Variants in DPP6 observed in about 807,000 individuals in gnomAD.
DPP6 encodes the protein A-type potassium channel modulatory protein DPP6.
A neutral mutation model predicts 122.6 loss-of-function variants in DPP6; 69 were observed. That is an observed-to-expected ratio of 0.56 (90% CI 0.46 to 0.69). The LOEUF is 0.69. Among genes scored for constraint, DPP6 ranks in the 30% least tolerant of loss-of-function variants. DPP6 has a pLI of 0.00. For missense variants in DPP6, 928 were observed against 1,116.9 expected, an observed-to-expected ratio of 0.83 and a Z score of 2.41; for synonymous variants, 418 against 433.1, an observed-to-expected ratio of 0.97 and a Z score of 0.43.
At chr7:154,433,091 A>T (rs571884220) in intron 1 of DPP6, among the ~76,000 whole-genome samples, 2 of 150,720 alleles carry the variant, frequency 1.3e-5, no homozygotes, top group Admixed American at 6.6e-5. Flanking sequence ...CAGGTTACAG[A>T]TATAACAAGT....
At chr7:154,703,106 G>T (rs181410664) in intron 7 of DPP6, among the ~76,000 whole-genome samples, 36 of 152,314 alleles carry the variant, frequency 2.4e-4, no homozygotes, top group Middle Eastern at 3.4e-3. Flanking sequence ...TTATACCATT[G>T]TGTAATGAAT....
In DPP6 at chr7:153,961,252, G is replaced by A. The variant is rs574834768; in HGVS notation, c.51+73518G>A. ...CCTAGCCAGGTGGAACCTGTGGCAG[G>A]AATCCACAAGCTGTGAGTTCAAGCC... On this transcript the variant is annotated intron_variant, in intron 1 of 25. Coordinates refer to the DPP6 transcript ENST00000404039. Among the ~76,000 whole-genome samples the A allele has an allele frequency of 2.8e-3, 417 of 151,024 alleles. 2 individuals are homozygous for A. The highest frequency in any genetic ancestry group is 0.024 in the Middle Eastern group (7 of 294).
chr7:154,552,373 G>A (rs1347518351), intron 4 of DPP6, among the ~76,000 whole-genome samples: 1 of 152,108 alleles, frequency 6.6e-6, no homozygotes, highest in Non-Finnish European at 1.5e-5. Flanking sequence ...TTGGTAAGAG[G>A]GATACTCGTT....
At chr7:154,699,884 G>A (rs910619055) in intron 7 of DPP6, among the ~76,000 whole-genome samples, 3 of 152,284 alleles carry the variant, frequency 2.0e-5, no homozygotes, top group Non-Finnish European at 4.4e-5. Flanking sequence ...GTGTTCTGAC[G>A]AGGGGAGTCT....
chr7:153,781,792 GA>G, the DPP6 span, among the ~76,000 whole-genome samples: 1 of 151,862 alleles, frequency 6.6e-6, no homozygotes, highest in Non-Finnish European at 1.5e-5. Context: ...CCTTTATATA[GA>G]AAAAGATGAC....
chr7:154,324,006 A>T (rs1415740402), intron 1 of DPP6, among the ~76,000 whole-genome samples: 1 of 152,234 alleles, frequency 6.6e-6, no homozygotes, highest in Non-Finnish European at 1.5e-5. Context: ...TTTTCCAATG[A>T]CACTTAAAAG....
intron 1 of DPP6, among the ~76,000 whole-genome samples, chr7:154,400,272 C>T (rs1350248984): frequency 6.6e-6 from 1 of 152,216 alleles, no homozygotes; most frequent in Non-Finnish European, 1.5e-5. Context: ...GAAGCATAAA[C>T]ACAGCCCTAA....
chr7:154,640,479 G>A (rs796295011), intron 6 of DPP6, among the ~76,000 whole-genome samples: 10 of 152,314 alleles, frequency 6.6e-5, no homozygotes, highest in African/African-American at 2.4e-4. Context: ...CCCCTGAAGC[G>A]GCGTTGCTCA....
chr7:154,718,958 G>A (rs188107141), intron 7 of DPP6, among the ~76,000 whole-genome samples: 19 of 152,142 alleles, frequency 1.2e-4, no homozygotes, highest in East Asian at 9.7e-4. Context: ...TCACATCTAG[G>A]AAATGATTCA....
chr7:154,103,722 A>C (rs978773235), intron 1 of DPP6, among the ~76,000 whole-genome samples: 7 of 152,216 alleles, frequency 4.6e-5, no homozygotes, highest in African/African-American at 1.7e-4. Flanking sequence ...CAGGCAGAAG[A>C]AGGTAAGATA....
At chr7:154,378,983 C>T (rs1407749466) in intron 1 of DPP6, among the ~76,000 whole-genome samples, 2 of 152,182 alleles carry the variant, frequency 1.3e-5, no homozygotes, top group East Asian at 3.9e-4. Flanking sequence ...GTCCCTCCCT[C>T]AACGTGTGGG....
chr7:153,877,377 C>A, the DPP6 span, among the ~76,000 whole-genome samples: 1 of 152,054 alleles, frequency 6.6e-6, no homozygotes, highest in African/African-American at 2.4e-5. Context: ...GACACACACA[C>A]AATTTTGTGT....
chr7:154,339,154 GA>G lies in DPP6; in HGVS notation c.244-107056del, dbSNP rs1316743354. Among the ~76,000 whole-genome samples the G allele has an allele frequency of 3.9e-5, 6 of 152,336 alleles. No homozygotes were observed. The East Asian group carries it at 1.2e-3, about 29-fold the overall frequency. ...TGTAATCAACATTCATAGACTGTAG[GA>G]AAATGTGGTTTAATGAAACATTCTG... On this transcript the variant is annotated intron_variant, in intron 1 of 25. Transcript: ENST00000377770.
intron 1 of DPP6, among the ~76,000 whole-genome samples, chr7:154,274,205 G>GTC (rs1803981471): frequency 6.6e-6 from 1 of 152,150 alleles, no homozygotes; most frequent in Non-Finnish European, 1.5e-5. Flanking sequence ...CTGTAGTCCT[G>GTC]TCTCTGTTCC....
intron 2 of DPP6, among the ~76,000 whole-genome samples, chr7:154,456,546 C>T (rs908528407): frequency 2.0e-4 from 27 of 136,034 alleles, no homozygotes; most frequent in African/African-American, 4.0e-4. Flanking sequence ...TTGAAGGATG[C>T]GGTAGGCTAA....
intron 1 of DPP6, among the ~76,000 whole-genome samples, chr7:153,981,420 T>G (rs1330475616): frequency 6.6e-6 from 1 of 152,222 alleles, no homozygotes; most frequent in African/African-American, 2.4e-5. Flanking sequence ...TCCCTTTATT[T>G]TAAGCCTATG....
At chr7:154,591,868 G>A (rs1273700179) in intron 5 of DPP6, among the ~76,000 whole-genome samples, 4 of 152,230 alleles carry the variant, frequency 2.6e-5, no homozygotes, top group Non-Finnish European at 5.9e-5. Context: ...TAGACTGTGC[G>A]TCTGTGTTCA....
At chr7:154,836,050 C>G (rs916261799) in intron 16 of DPP6, among the ~76,000 whole-genome samples, 1 of 152,186 alleles carries the variant, frequency 6.6e-6, no homozygotes, top group Non-Finnish European at 1.5e-5. Context: ...AGGAATGTTC[C>G]TCCGAGGCTC....
At chr7:154,629,036 A>G (rs1835255784) in intron 5 of DPP6, among the ~76,000 whole-genome samples, 1 of 152,150 alleles carries the variant, frequency 6.6e-6, no homozygotes, top group Non-Finnish European at 1.5e-5. Context: ...AAAAAAAGGA[A>G]TATGTACAGG....
Sources: allele counts gnomAD v4.1 joint callset (sites outside exome capture counted in the v4.1 genomes callset), GRCh38; gene constraint gnomAD v4.1.1; transcripts MANE v1.5; gene names NCBI Gene and HGNC (gene_info 2026-07-23, HGNC 2026-07-21).